CATSPERB: variants seen among roughly 807,000 people sequenced by gnomAD.
The protein encoded by CATSPERB is catsper channel auxiliary subunit beta.
Under a neutral mutation model 128.3 loss-of-function variants are expected in CATSPERB, and 93 were observed. The ratio of observed to expected loss-of-function variants is 0.72; its 90% CI spans 0.61 to 0.86. The LOEUF is 0.86. Among genes scored for constraint, CATSPERB ranks in the 40% least tolerant of loss-of-function variants. CATSPERB has a pLI of 0.00. For synonymous variants in CATSPERB, 381 were observed against 448.8 expected (o/e 0.85, Z 1.91); for missense variants, 1,153 against 1,329.5 (o/e 0.87, Z 2.06).
intron 18 of CATSPERB, 28 bp downstream of exon 18, chr14:91,624,792 C>T (rs1250822187): frequency 2.0e-6 from 3 of 1,479,146 alleles, no homozygotes; most frequent in Non-Finnish European, 2.7e-6. Context: ...TTCTAGCCAT[C>T]AGAGATGTAT....
At chr14:91,668,558 C>T (rs929465715) in intron 14 of CATSPERB, among the ~76,000 whole-genome samples, 19 of 152,152 alleles carry the variant, frequency 1.2e-4, no homozygotes, top group African/African-American at 4.1e-4. Flanking sequence ...GCAAGCTACT[C>T]GGGACCCCTT....
chr14:91,704,676 C>T lies in CATSPERB; in HGVS notation c.492G>A (p.Gly164=), dbSNP rs1895707740. 2 of 1,613,598 alleles carry T rather than the reference C, an allele frequency of 1.2e-6. No homozygotes were observed. The highest frequency in any genetic ancestry group is 2.2e-5 in the East Asian group (1 of 44,858). The part of the protein sequence containing the change: ...IREPILQWTP[G]DVIPESEISK... ...TGATTTCACTTTCTGGAATCACATC[C>T]CCAGGAGTCCACTGAAGAATCGGTT... is the stretch of plus-strand genomic sequence containing the variant. The change falls in exon 7 of 27, where the codon GGG becomes GGA. Residue 164 remains glycine, a synonymous_variant. Coordinates refer to ENST00000256343, the MANE Select transcript of CATSPERB (RefSeq NM_024764.4).
rs376593156 is a variant in CATSPERB at position 91,608,125 on chromosome 14, G to A, written c.2709+169C>T. 4.1e-4 allele frequency among the ~76,000 whole-genome samples: 63 copies of A among 152,276 alleles called. No homozygotes were observed. The East Asian group carries it at 0.011, about 26-fold the overall frequency. ...TTCTTGGCTCCAAAACTGTATTCAGGAATAGCTGTAAGAGGAGGGGCTAAA... is the reference window on the plus strand; with the variant it reads ...TTCTTGGCTCCAAAACTGTATTCAGAAATAGCTGTAAGAGGAGGGGCTAAA... On this transcript the variant is annotated intron_variant, in intron 22 of 26. Coordinates refer to ENST00000256343, the MANE Select transcript of CATSPERB (RefSeq NM_024764.4).
chr14:91,661,280 T>C (rs185706926), intron 14 of CATSPERB, among the ~76,000 whole-genome samples: 29 of 152,238 alleles, frequency 1.9e-4, no homozygotes, highest in African/African-American at 6.7e-4. Flanking sequence ...GATCATTTTA[T>C]GTTAGCTCAT....
intron 6 of CATSPERB, among the ~76,000 whole-genome samples, chr14:91,707,348 C>T (rs756752863): frequency 1.3e-5 from 2 of 152,054 alleles, no homozygotes; most frequent in Non-Finnish European, 1.5e-5. Flanking sequence ...ATTGATATAA[C>T]AATTTTATAT....
In CATSPERB at chr14:91,729,199, C is replaced by T. The variant is rs113151779; in HGVS notation, c.79+202G>A. ...ACTAAAAATACAAAAATTAGCCAGG[C>T]GTGGTGGTGGGCACCTGTAATCCCA... On this transcript the variant is annotated intron_variant, in intron 2 of 26. Coordinates refer to ENST00000256343, the MANE Select transcript of CATSPERB (RefSeq NM_024764.4). 5.2e-3 allele frequency among the ~76,000 whole-genome samples: 787 copies of T among 152,118 alleles called. 6 individuals are homozygous for T. Among genetic ancestry groups the T allele is most frequent in the African/African-American group, 0.017 (698 of 41,488 alleles).
At position 91,580,992 on chromosome 14, in the gene CATSPERB, A is replaced by T; in HGVS notation, c.3248T>A (p.Ile1083Asn). The T allele has an allele frequency of 6.2e-7, 1 of 1,614,188 alleles. No individual in the cohort carries two copies. Among genetic ancestry groups the T allele is most frequent in the Non-Finnish European group, 8.5e-7 (1 of 1,179,998 alleles). ...TCTTTGGAATGTCCTCCACGGATGG[A>T]TGCCTTGCAGTTGAAACATAAATGC... The part of the protein sequence containing the change: ...FIAFMFQLQG[I>N]HPWRTFQRWI... Residue 1083 changes from isoleucine to asparagine, a missense_variant, in exon 27 of 27, where the codon ATC becomes AAC. Ile to Asn is a moderately radical substitution (Grantham distance 149). Transcript: ENST00000256343.
chr14:91,624,947 C>G lies in CATSPERB; in HGVS notation c.1803G>C (p.Leu601Phe). ...VLQHTTPKGF[L>F]SSVIAEMKEP... ...CTTTCATTTCTGCAATAACTGAGGA[C>G]AAAAATCCTTTAGGAGTCGTATGTT... The change falls in exon 18 of 27, where the codon TTG becomes TTC. Residue 601 changes from leucine to phenylalanine, a missense_variant. Transcript: ENST00000256343. 2 of 1,611,508 alleles carry G rather than the reference C, an allele frequency of 1.2e-6. No individual in the cohort carries two copies. Among genetic ancestry groups the G allele is most frequent in the Middle Eastern group, 1.7e-4 (1 of 6,000 alleles).
intron 22 of CATSPERB, among the ~76,000 whole-genome samples, chr14:91,595,635 G>C (rs1332743816): frequency 1.3e-5 from 2 of 152,112 alleles, no homozygotes; most frequent in Non-Finnish European, 2.9e-5. Flanking sequence ...CCTGTACAGG[G>C]ACTGTGTACA....
At chr14:91,627,057 G>T (rs530194969) in intron 17 of CATSPERB, among the ~76,000 whole-genome samples, 3 of 152,322 alleles carry the variant, frequency 2.0e-5, no homozygotes, top group African/African-American at 7.2e-5. Flanking sequence ...GACCTCATTT[G>T]TAATAGAAGA....
chr14:91,583,735 G>A (rs1436497658), intron 26 of CATSPERB, among the ~76,000 whole-genome samples: 2 of 151,532 alleles, frequency 1.3e-5, no homozygotes, highest in Admixed American at 6.6e-5. Context: ...TCAAAGTCAA[G>A]AAATTAACAT....
At chr14:91,664,471 A>T (rs200571465) in intron 14 of CATSPERB, among the ~76,000 whole-genome samples, 1 of 151,844 alleles carries the variant, frequency 6.6e-6, no homozygotes, top group African/African-American at 2.4e-5. Flanking sequence ...TCACCATGTT[A>T]GCCAGGCTGG....
At chr14:91,660,396 T>A (rs1302506066) in intron 14 of CATSPERB, among the ~76,000 whole-genome samples, 1 of 152,212 alleles carries the variant, frequency 6.6e-6, no homozygotes, top group African/African-American at 2.4e-5. Flanking sequence ...CTGGCAAATA[T>A]ATATGCACAC....
intron 11 of CATSPERB, among the ~76,000 whole-genome samples, chr14:91,682,453 A>G (rs1353321908): frequency 6.6e-6 from 1 of 152,170 alleles, no homozygotes; most frequent in Non-Finnish European, 1.5e-5. Context: ...TTACCTCCCC[A>G]GGAATGTAAT....
chr14:91,726,300 G>A (rs1399147567), intron 2 of CATSPERB, among the ~76,000 whole-genome samples: 3 of 152,202 alleles, frequency 2.0e-5, no homozygotes, highest in Non-Finnish European at 2.9e-5. Context: ...GCTCCCACCC[G>A]TGGATGCTGC....
At chr14:91,589,305 G>C (rs1893356210) in intron 24 of CATSPERB, among the ~76,000 whole-genome samples, 3 of 152,186 alleles carry the variant, frequency 2.0e-5, no homozygotes, top group Admixed American at 1.3e-4. Context: ...TTTTTGCAGT[G>C]TAAATTATTC....
At chr14:91,675,846 G>T (rs1895183626) in intron 11 of CATSPERB, among the ~76,000 whole-genome samples, 1 of 152,100 alleles carries the variant, frequency 6.6e-6, no homozygotes, top group Non-Finnish European at 1.5e-5. Flanking sequence ...GGACCCCAAA[G>T]TACTTCTCAG....
chr14:91,668,994 G>A (rs1308217164), intron 14 of CATSPERB, among the ~76,000 whole-genome samples: 1 of 152,148 alleles, frequency 6.6e-6, no homozygotes, highest in Non-Finnish European at 1.5e-5. Flanking sequence ...GTTTTCCAAG[G>A]CCTTCCCAGC....
intron 6 of CATSPERB, among the ~76,000 whole-genome samples, chr14:91,706,736 C>T (rs989579490): frequency 1.6e-4 from 25 of 152,190 alleles, no homozygotes; most frequent in African/African-American, 5.5e-4. Context: ...CTCCTGTCTT[C>T]AGCATTTTGG....
Sources: allele counts gnomAD v4.1 joint callset (sites outside exome capture counted in the v4.1 genomes callset), GRCh38; gene constraint gnomAD v4.1.1; transcripts MANE v1.5; gene names NCBI Gene and HGNC (gene_info 2026-07-23, HGNC 2026-07-21).